The following PDE4D variants were observed in gnomAD, a reference collection of about 807,000 sequenced individuals.
PDE4D encodes 3',5'-cyclic-AMP phosphodiesterase 4D.
In PDE4D, 24 loss-of-function variants were observed where a neutral mutation model predicts 87.4. The observed-to-expected ratio is 0.27, with a 90% confidence interval of 0.20 to 0.39. The LOEUF is 0.39. Among genes scored for constraint, PDE4D ranks in the 10% least tolerant of loss-of-function variants. PDE4D has a pLI of 1.00. For missense variants in PDE4D, 714 were observed against 1,041.0 expected, an observed-to-expected ratio of 0.69 and a Z score of 4.32; for synonymous variants, 384 against 383.2, an observed-to-expected ratio of 1.00 and a Z score of -0.02.
intron 1 of PDE4D, among the ~76,000 whole-genome samples, chr5:60,450,600 T>C (rs73759058): frequency 0.045 from 6,888 of 152,170 alleles, 395 homozygotes; most frequent in African/African-American, 0.14. Flanking sequence ...CAATTTACTT[T>C]ATATCAAAAT....
chr5:59,471,712 A>G (rs1310964165), intron 1 of PDE4D, among the ~76,000 whole-genome samples: 1 of 152,218 alleles, frequency 6.6e-6, no homozygotes, highest in African/African-American at 2.4e-5. Context: ...AGGTCGTTAA[A>G]AAGGCCTGAA....
chr5:59,538,664 A>G (rs2153683039), intron 1 of PDE4D, among the ~76,000 whole-genome samples: 1 of 152,084 alleles, frequency 6.6e-6, no homozygotes. Context: ...CTTCCCCAAT[A>G]CACTCTCTAC....
chr5:59,976,216 T>C (rs1411252520), intron 3 of PDE4D, among the ~76,000 whole-genome samples: 1 of 152,212 alleles, frequency 6.6e-6, no homozygotes, highest in Non-Finnish European at 1.5e-5. Context: ...TTTTATTGTT[T>C]TTAATTCTGT....
chr5:60,116,673 G>GA (rs200735323), intron 2 of PDE4D, among the ~76,000 whole-genome samples: 65 of 150,078 alleles, frequency 4.3e-4, no homozygotes, highest in African/African-American at 1.4e-3. Flanking sequence ...CTGCTAAATA[G>GA]AAAAAAAAAT....
intron 1 of PDE4D, among the ~76,000 whole-genome samples, chr5:59,643,867 T>C (rs867234747): frequency 7.9e-5 from 12 of 152,328 alleles, no homozygotes; most frequent in South Asian, 6.2e-4. Context: ...CTCTAAGAAA[T>C]TGTAATTCAC....
At chr5:60,379,513 A>G (rs575483760) in intron 1 of PDE4D, among the ~76,000 whole-genome samples, 1 of 152,346 alleles carries the variant, frequency 6.6e-6, no homozygotes, top group East Asian at 1.9e-4. Context: ...AGCTGTCCTC[A>G]GCCACAGACA....
At chr5:59,531,342 T>G (rs1814187086) in intron 1 of PDE4D, among the ~76,000 whole-genome samples, 1 of 152,216 alleles carries the variant, frequency 6.6e-6, no homozygotes, top group Admixed American at 6.5e-5. Context: ...GCATCCCTAC[T>G]GATAACTTCC....
chr5:59,553,335 A>G (rs1207057411), intron 1 of PDE4D, among the ~76,000 whole-genome samples: 1 of 152,094 alleles, frequency 6.6e-6, no homozygotes, highest in Admixed American at 6.6e-5. Flanking sequence ...GAAATAAAGC[A>G]TCCTCTCTCA....
At chr5:60,460,747 G>T (rs1746865916) in intron 1 of PDE4D, 1 of 672,704 alleles carries the variant, frequency 1.5e-6, no homozygotes, top group Non-Finnish European at 2.6e-6. Context: ...CATGCTGCTA[G>T]GGAAGTCCAA....
intron 1 of PDE4D, among the ~76,000 whole-genome samples, chr5:60,227,622 AGGAGGGAG>A (rs1006737650): frequency 2.4e-5 from 2 of 84,834 alleles, no homozygotes; most frequent in South Asian, 4.9e-4. Context: ...AGGAAAGGGA[AGGAGGGAG>A]GGAGGGAGGG....
chr5:59,313,238 G>T (rs537572840), intron 1 of PDE4D, among the ~76,000 whole-genome samples: 1 of 152,216 alleles, frequency 6.6e-6, no homozygotes, highest in South Asian at 2.1e-4. Flanking sequence ...CCCAAATTCT[G>T]TTGGGTAACA....
intron 1 of PDE4D, among the ~76,000 whole-genome samples, chr5:60,337,605 A>G (rs1757926838): frequency 6.6e-6 from 1 of 151,920 alleles, no homozygotes; most frequent in African/African-American, 2.4e-5. Context: ...CTGTAAATAA[A>G]TAATACCTAA....
At chr5:59,028,880 A>G (rs1375666323) in intron 6 of PDE4D, among the ~76,000 whole-genome samples, 1 of 152,224 alleles carries the variant, frequency 6.6e-6, no homozygotes, top group Non-Finnish European at 1.5e-5. Flanking sequence ...AAAATGCTTT[A>G]AGGTGGTGCA....
At chr5:59,901,648 T>C (rs1459528652) in intron 3 of PDE4D, among the ~76,000 whole-genome samples, 1 of 152,008 alleles carries the variant, frequency 6.6e-6, no homozygotes, top group Non-Finnish European at 1.5e-5. Context: ...GAAAACAGAA[T>C]GGTAATTAAA....
intron 2 of PDE4D, among the ~76,000 whole-genome samples, chr5:60,022,982 G>C (rs1766232742): frequency 6.6e-6 from 1 of 152,082 alleles, no homozygotes; most frequent in East Asian, 1.9e-4. Context: ...AGCTCGACCT[G>C]TCACCAGCTC....
At chr5:59,053,651 T>G (rs554860999) in intron 5 of PDE4D, among the ~76,000 whole-genome samples, 9,610 of 89,598 alleles carry the variant, frequency 0.11, 628 homozygotes, top group Admixed American at 0.15. Flanking sequence ...TTTTGTTTTT[T>G]TTTGTTGTTG....
At chr5:59,801,884 G>A (rs567852329) in intron 1 of PDE4D, among the ~76,000 whole-genome samples, 1 of 152,260 alleles carries the variant, frequency 6.6e-6, no homozygotes, top group Non-Finnish European at 1.5e-5. Flanking sequence ...TTCATTTCTA[G>A]ATCAGAACAA....
At chr5:59,102,956 G>A (rs1294694654) in intron 5 of PDE4D, among the ~76,000 whole-genome samples, 2 of 152,164 alleles carry the variant, frequency 1.3e-5, no homozygotes, top group South Asian at 2.1e-4. Context: ...AAAACCCAAT[G>A]CAGGAAAGCC....
chr5:60,388,755 C>T (rs1469177854), intron 1 of PDE4D, among the ~76,000 whole-genome samples: 2 of 152,150 alleles, frequency 1.3e-5, no homozygotes, highest in African/African-American at 2.4e-5. Flanking sequence ...GGAAAGATTC[C>T]GTTTCCTGAG....
Sources: gnomAD v4.1 joint callset for allele counts (sites outside exome capture counted in the v4.1 genomes callset) on GRCh38, gnomAD v4.1.1 for gene constraint, MANE v1.5 for transcripts, NCBI Gene and HGNC (gene_info 2026-07-23, HGNC 2026-07-21) for gene names.